The following B3GAT2 variants were observed in gnomAD, a reference collection of about 807,000 sequenced individuals.
B3GAT2 encodes galactosylgalactosylxylosylprotein 3-beta-glucuronosyltransferase 2.
A neutral mutation model predicts 27.8 loss-of-function variants in B3GAT2; 26 were observed. The ratio of observed to expected loss-of-function variants is 0.93; its 90% CI spans 0.68 to 1.30. The LOEUF (loss-of-function observed/expected upper bound fraction) is 1.30. Among genes scored for constraint, B3GAT2 ranks in the 50% most tolerant of loss-of-function variants. The probability of loss-of-function intolerance (pLI) is 0.00; values close to 1 mark genes in which losing one functional copy is unlikely to be tolerated. For synonymous variants in B3GAT2, 218 were observed against 195.1 expected (o/e 1.12, Z -0.98); for missense variants, 458 against 459.0 (o/e 1.00, Z 0.02).
chr6:70,882,362 A>C (rs531269671), intron 2 of B3GAT2, among the ~76,000 whole-genome samples: 1 of 152,026 alleles, frequency 6.6e-6, no homozygotes, highest in African/African-American at 2.4e-5. Flanking sequence ...TTAGCTGGGC[A>C]TGGTGGCGGG....
intron 2 of B3GAT2, among the ~76,000 whole-genome samples, chr6:70,883,126 G>A (rs1015206207): frequency 6.6e-6 from 1 of 152,132 alleles, no homozygotes; most frequent in Non-Finnish European, 1.5e-5. Context: ...GCATTGCTGT[G>A]GAGAGTGTAA....
chr6:70,896,323 C>T (rs1332403943), intron 1 of B3GAT2, among the ~76,000 whole-genome samples: 2 of 152,132 alleles, frequency 1.3e-5, no homozygotes, highest in African/African-American at 2.4e-5. Flanking sequence ...GCCCTAAGAA[C>T]GACTATATGC....
intron 1 of B3GAT2, among the ~76,000 whole-genome samples, chr6:70,916,790 C>A (rs760737943): frequency 2.6e-5 from 4 of 151,914 alleles, no homozygotes; most frequent in Non-Finnish European, 4.4e-5. Context: ...CTGCTGGATT[C>A]GGTTTGCCAG....
intron 2 of B3GAT2, among the ~76,000 whole-genome samples, chr6:70,877,218 C>G (rs1043092393): frequency 2.6e-5 from 4 of 152,138 alleles, no homozygotes; most frequent in Non-Finnish European, 5.9e-5. Flanking sequence ...TGGGCCCCAC[C>G]GGGGGTGTTC....
chr6:70,858,314 T>C lies in B3GAT2; in HGVS notation c.*3349A>G, dbSNP rs1046801484. 6.4e-6 allele frequency: 6 copies of C among 939,478 alleles called. No homozygotes were observed. In the African/African-American group the frequency reaches 8.7e-5, roughly 14 times the overall value. 58.2% of individuals were successfully genotyped at this position (939,478 alleles called of 1,614,324 possible). ...TTTTTTTTTTTTTTTTTTTTTTTTTTTAAGTCTAGTGATCTGGCAGAAAGA... is the reference window on the plus strand; with the variant it reads ...TTTTTTTTTTTTTTTTTTTTTTTTTCTAAGTCTAGTGATCTGGCAGAAAGA... On this transcript the variant is annotated 3_prime_UTR_variant, in exon 4 of 4. Transcript: ENST00000230053.
At position 70,856,773 on chromosome 6, in the gene B3GAT2, T is replaced by G; in HGVS notation, c.*4890A>C. ...TACAATTGTTTGATTCCTATCTAAT[T>G]TTATAACTTTATTTGGATTTTAAGT... On this transcript the variant is annotated 3_prime_UTR_variant, in exon 4 of 4. Transcript: ENST00000230053. 1 of 1,361,022 alleles carries G rather than the reference T, an allele frequency of 7.3e-7. No individual in the cohort carries two copies. Among genetic ancestry groups the G allele is most frequent in the African/African-American group, 1.5e-5 (1 of 68,326 alleles). 84.3% of individuals were successfully genotyped at this position (1,361,022 alleles called of 1,614,324 possible).
At chr6:70,892,979 A>G (rs1772316605) in intron 2 of B3GAT2, among the ~76,000 whole-genome samples, 1 of 152,158 alleles carries the variant, frequency 6.6e-6, no homozygotes, top group Non-Finnish European at 1.5e-5. Flanking sequence ...CTGGAGTAAC[A>G]GAGGGATGGA....
rs112217103 is a variant in B3GAT2 at position 70,861,893 on chromosome 6, A to G, written c.822T>C (p.Ser274=). 1.4e-4 allele frequency: 222 copies of G among 1,614,050 alleles called. 1 individual carries two copies. The African/African-American group carries it at 2.7e-3, about 20-fold the overall frequency. The change falls in exon 3 of 4, where the codon TCT becomes TCC. Residue 274 remains serine, a synonymous_variant. Coordinates refer to ENST00000230053, the MANE Select transcript of B3GAT2 (RefSeq NM_080742.3). ...RRGSQPGMQE[S]DFLKQITTVE... ...CTGTTGTTATCTGTTTGAGAAAGTC[A>G]GATTCTTGCATCCCTGGCTGGGATC...
intron 1 of B3GAT2, among the ~76,000 whole-genome samples, chr6:70,917,587 G>A (rs998735561): frequency 3.3e-5 from 5 of 152,074 alleles, no homozygotes; most frequent in Non-Finnish European, 7.4e-5. Flanking sequence ...AGAGATTCTT[G>A]AACGTTGTAT....
chr6:70,864,083 T>A lies in B3GAT2; in HGVS notation c.737-2105A>T, dbSNP rs539169788. ...ATCCTTTTTTTTTTTTTTTTTTTTT[T>A]AAATTCAGATGAGAGCCTACCCTTC... On this transcript the variant is annotated intron_variant, in intron 2 of 3. Coordinates refer to ENST00000230053, the MANE Select transcript of B3GAT2 (RefSeq NM_080742.3). 5.8e-4 allele frequency among the ~76,000 whole-genome samples: 76 copies of A among 130,224 alleles called. 1 individual carries two copies. The highest frequency in any genetic ancestry group is 3.9e-3 in the South Asian group (15 of 3,840). The allele number at this position is 130,224 out of a possible 152,430, so 85.4% of individuals were successfully genotyped here. A position where few individuals can be genotyped will look rare whatever the true frequency, so the allele number is the denominator to read the frequency against.
intron 1 of B3GAT2, among the ~76,000 whole-genome samples, chr6:70,902,963 A>G (rs986017501): frequency 6.6e-6 from 1 of 152,050 alleles, no homozygotes; most frequent in South Asian, 2.1e-4. Context: ...CAAGAGATCT[A>G]TTGTATATCA....
At chr6:70,945,474 T>C (rs372244099) in intron 1 of B3GAT2, among the ~76,000 whole-genome samples, 1 of 151,602 alleles carries the variant, frequency 6.6e-6, no homozygotes, top group African/African-American at 2.4e-5. Context: ...AGGGTATCAG[T>C]GATGGAAGAT....
At chr6:70,949,449 A>G (rs954940669) in intron 1 of B3GAT2, among the ~76,000 whole-genome samples, 7 of 152,014 alleles carry the variant, frequency 4.6e-5, no homozygotes, top group African/African-American at 1.7e-4. Flanking sequence ...AGACACATGA[A>G]AAAATGCTCA....
intron 1 of B3GAT2, among the ~76,000 whole-genome samples, 161 bp downstream of exon 1, chr6:70,955,678 G>A (rs572740654): frequency 4.6e-5 from 7 of 152,338 alleles, no homozygotes; most frequent in South Asian, 4.1e-4. Flanking sequence ...AGGCTGCGGA[G>A]TGCCAGCAAG....
At chr6:70,894,339 T>A in intron 1 of B3GAT2, 67 bp from the exon 2 acceptor site, 1 of 1,465,284 alleles carries the variant, frequency 6.8e-7, no homozygotes, top group Non-Finnish European at 9.2e-7. Flanking sequence ...ATGAATGTGA[T>A]CTATGTAGAA....
rs1771439647 is a variant in B3GAT2, at chr6:70,856,703, C to T, written c.*4960G>A. 1.6e-6 allele frequency: 1 copy of T among 629,544 alleles called. No homozygotes were observed. The allele number at this position is 629,544 out of a possible 1,614,324, so 39.0% of individuals were successfully genotyped here. On this transcript the variant is annotated 3_prime_UTR_variant, in exon 4 of 4. Coordinates refer to ENST00000230053, the MANE Select transcript of B3GAT2 (RefSeq NM_080742.3). ...TTGATTGTAGATGTTTTTATATGGG[C>T]TTGGGCTTGTAAGTGATCCTCTTGA...
At chr6:70,900,407 C>G (rs1293722328) in intron 1 of B3GAT2, among the ~76,000 whole-genome samples, 2 of 119,612 alleles carry the variant, frequency 1.7e-5, no homozygotes, top group Non-Finnish European at 3.8e-5. Context: ...CAACAACCGG[C>G]TCTTTTTTTT....
At chr6:70,899,612 A>G (rs1021340164) in intron 1 of B3GAT2, among the ~76,000 whole-genome samples, 2 of 152,214 alleles carry the variant, frequency 1.3e-5, no homozygotes, top group Non-Finnish European at 2.9e-5. Flanking sequence ...TGCCCTCACC[A>G]TCTATGCCCT....
intron 1 of B3GAT2, among the ~76,000 whole-genome samples, chr6:70,931,120 T>A (rs1021220554): frequency 6.6e-6 from 1 of 151,520 alleles, no homozygotes; most frequent in African/African-American, 2.4e-5. Flanking sequence ...CACTCATAGG[T>A]GGGAACTGAA....
Sources: allele counts gnomAD v4.1 joint callset (sites outside exome capture counted in the v4.1 genomes callset), GRCh38; gene constraint gnomAD v4.1.1; transcripts MANE v1.5; gene names NCBI Gene and HGNC (gene_info 2026-07-23, HGNC 2026-07-21).